EXD3: variants seen among roughly 807,000 people sequenced by gnomAD.
EXD3 encodes exonuclease mut-7 homolog.
Under a neutral mutation model 98.0 loss-of-function variants are expected in EXD3, and 92 were observed. The observed-to-expected ratio is 0.94, with a 90% CI of 0.79 to 1.12. The LOEUF is 1.12. Among genes scored for constraint, EXD3 ranks in the 50% most tolerant of loss-of-function variants. The pLI is 0.00. For synonymous variants in EXD3, 569 were observed against 526.0 expected (o/e 1.08, Z -1.12); for missense variants, 1,222 against 1,191.6 (o/e 1.03, Z -0.38).
intron 1 of EXD3, among the ~76,000 whole-genome samples, chr9:137,420,912 T>G (rs1042027400): frequency 2.6e-5 from 4 of 152,292 alleles, no homozygotes; most frequent in Admixed American, 2.0e-4. Flanking sequence ...TCTCCTGGAC[T>G]CAAGCGATCC....
chr9:137,396,535 C>G (rs548177145), intron 1 of EXD3, among the ~76,000 whole-genome samples: 1 of 152,176 alleles, frequency 6.6e-6, no homozygotes, highest in African/African-American at 2.4e-5. Context: ...CTCAGCCACA[C>G]GCGGCACAGT....
At chr9:137,318,587 C>T (rs1170181915) in intron 19 of EXD3, among the ~76,000 whole-genome samples, 2 of 152,258 alleles carry the variant, frequency 1.3e-5, no homozygotes, top group East Asian at 3.9e-4. Context: ...AATATTTTCC[C>T]ATGGTAGACG....
chr9:137,333,751 T>TA (rs1833216688), intron 17 of EXD3, among the ~76,000 whole-genome samples: 2 of 152,228 alleles, frequency 1.3e-5, no homozygotes, highest in Admixed American at 6.5e-5. Flanking sequence ...ATGCCAGTGA[T>TA]ACGGTTCCTG....
intron 5 of EXD3, among the ~76,000 whole-genome samples, 182 bp from the exon 6 acceptor site, chr9:137,368,171 CG>C (rs1175513844): frequency 6.6e-6 from 1 of 152,196 alleles, no homozygotes; most frequent in Admixed American, 6.5e-5. Context: ...CAAGCCCCCC[CG>C]TGCTGAGCCA....
chr9:137,413,503 C>CTTTTT lies in EXD3; in HGVS notation c.-48+9606_-48+9610dup, dbSNP rs768508083. On this transcript the variant is annotated intron_variant, in intron 1 of 21. Coordinates refer to ENST00000340951, the MANE Select transcript of EXD3 (RefSeq NM_017820.5). ...GCATGAGCCACCGCGCCTGGCCTAG[C>CTTTTT]TTTTTTTTTTTTTTTTTTTTGAGAC... Among the ~76,000 whole-genome samples, 6 of 128,762 alleles carry CTTTTT rather than the reference C, an allele frequency of 4.7e-5. No individual in the cohort carries two copies. The East Asian group carries it at 6.6e-4, about 14-fold the overall frequency. 84.5% of individuals were successfully genotyped at this position (128,762 alleles called of 152,430 possible).
rs559418765 is a variant in EXD3 at position 137,346,321 on chromosome 9, A to ATGGG, written c.1998+1746_1998+1749dup. The stretch of plus-strand genomic sequence containing the variant: ...GGAATAAATGTTATTAAAAAACTAT[A>ATGGG]TGGGTAAGATTACCCATAACTAGTA... On this transcript the variant is annotated intron_variant, in intron 17 of 21. Transcript: ENST00000340951. 1.8e-3 allele frequency among the ~76,000 whole-genome samples: 267 copies of ATGGG among 151,480 alleles called. 4 individuals carry two copies. The highest frequency in any genetic ancestry group is 6.3e-3 in the African/African-American group (259 of 41,196).
At chr9:137,316,559 C>T (rs1216847976) in intron 19 of EXD3, among the ~76,000 whole-genome samples, 1 of 152,230 alleles carries the variant, frequency 6.6e-6, no homozygotes, top group African/African-American at 2.4e-5. Context: ...GCTCCCAGTG[C>T]CCGGGAGGCA....
chr9:137,413,908 GT>G (rs891874055), intron 1 of EXD3, among the ~76,000 whole-genome samples: 14 of 141,898 alleles, frequency 9.9e-5, no homozygotes, highest in African/African-American at 2.1e-4. Context: ...AGGTTCTGTT[GT>G]TTTTTTTTTC....
At position 137,361,514 on chromosome 9, in the gene EXD3, A is replaced by G. The variant is rs78801006; in HGVS notation, c.656+4979T>C. On this transcript the variant is annotated intron_variant, in intron 7 of 21. Transcript: ENST00000340951. ...TGTAATCCCAGCACTTTGGGAGGCCAAGGTGGGTGGATTACGAGGTCAGGA... is the reference window on the plus strand; with the variant it reads ...TGTAATCCCAGCACTTTGGGAGGCCGAGGTGGGTGGATTACGAGGTCAGGA... Among the ~76,000 whole-genome samples, 4 of 33,572 alleles carry G rather than the reference A, an allele frequency of 1.2e-4. 1 individual carries two copies. The highest frequency in any genetic ancestry group is 4.4e-4 in the Admixed American group (1 of 2,278). The allele number at this position is 33,572 out of a possible 152,430, so 22.0% of individuals were successfully genotyped here.
intron 1 of EXD3, among the ~76,000 whole-genome samples, chr9:137,415,400 G>C (rs888984292): frequency 2.6e-5 from 4 of 151,976 alleles, no homozygotes; most frequent in African/African-American, 9.7e-5. Context: ...CTCCATGTTC[G>C]CCAGGCTGGT....
At chr9:137,332,359 G>C (rs1432899718) in intron 17 of EXD3, among the ~76,000 whole-genome samples, 3 of 152,136 alleles carry the variant, frequency 2.0e-5, no homozygotes, top group Admixed American at 6.6e-5. Flanking sequence ...GGAGGCCGAG[G>C]CAGGTGGATC....
At chr9:137,384,414 T>C (rs560360015) in intron 2 of EXD3, among the ~76,000 whole-genome samples, 1 of 152,362 alleles carries the variant, frequency 6.6e-6, no homozygotes, top group South Asian at 2.1e-4. Flanking sequence ...GCAAGTGTTC[T>C]AAAATTCAGT....
At chr9:137,386,656 C>T (rs931337649) in intron 2 of EXD3, among the ~76,000 whole-genome samples, 2 of 152,122 alleles carry the variant, frequency 1.3e-5, no homozygotes, top group African/African-American at 4.8e-5. Context: ...AAAGCCAGGG[C>T]CCACCACATC....
Position 137,395,275 on chromosome 9 carries a change from G to C in EXD3, c.55+28C>G. ...GCACCTCCCCCCACAGCCCCAGGGA[G>C]ACTCGGCACCATCAGGCTCAGACTC... On this transcript the variant is annotated intron_variant, in intron 2 of 21. Transcript: ENST00000340951. This position sits in a 1 kb window ranked among gnomAD's most constrained non-coding sequence, Gnocchi z 6.5. 1 of 1,603,390 alleles carries C rather than the reference G, an allele frequency of 6.2e-7. No individual in the cohort carries two copies. The highest frequency in any genetic ancestry group is 1.7e-5 in the Admixed American group (1 of 59,994).
In EXD3 at chr9:137,347,977, G is replaced by A. The variant is rs969203646; in HGVS notation, c.1998+94C>T. 9.3e-6 allele frequency: 13 copies of A among 1,392,268 alleles called. No individual in the cohort carries two copies. Among genetic ancestry groups the A allele is most frequent in the African/African-American group, 1.4e-5 (1 of 69,306 alleles). The allele number at this position is 1,392,268 out of a possible 1,614,324, so 86.2% of individuals were successfully genotyped here. ...TGGCACAGCTGGCAGCCATGGATGA[G>A]CTGGAGGGAGGAGTTTGATGCTAGG... On this transcript the variant is annotated intron_variant, in intron 17 of 21. Transcript: ENST00000340951. This position sits in a 1 kb window ranked among gnomAD's most constrained non-coding sequence, Gnocchi z 4.2.
intron 1 of EXD3, among the ~76,000 whole-genome samples, chr9:137,401,917 C>G (rs958747200): frequency 6.6e-6 from 1 of 152,190 alleles, no homozygotes; most frequent in Non-Finnish European, 1.5e-5. Context: ...TTTCTGCAGC[C>G]GGCTTGAATT....
chr9:137,352,055 G>T lies in EXD3; in HGVS notation c.1173+11C>A. The T allele has an allele frequency of 6.2e-7, 1 of 1,607,068 alleles. No homozygotes were observed. Among genetic ancestry groups the T allele is most frequent in the East Asian group, 2.2e-5 (1 of 44,684 alleles). The stretch of plus-strand genomic sequence containing the variant: ...ACCACCGGGCGCTGCCCCAGCGGCC[G>T]AGGGAACCACCTGCAGGAGTGCACC... On this transcript the variant is annotated intron_variant, in intron 12 of 21. Transcript: ENST00000340951.
At chr9:137,342,224 G>A (rs1588298963) in intron 17 of EXD3, among the ~76,000 whole-genome samples, 1 of 24,384 alleles carries the variant, frequency 4.1e-5, no homozygotes, top group Non-Finnish European at 7.6e-5. Flanking sequence ...CAGAGGAAAC[G>A]GGGCTCAGGC....
chr9:137,398,852 GAC>G (rs1309161615), intron 1 of EXD3, among the ~76,000 whole-genome samples: 2 of 144,162 alleles, frequency 1.4e-5, no homozygotes, highest in Admixed American at 7.0e-5. Context: ...GCATCCCCAA[GAC>G]ACACAGGCAC....
Sources: allele counts gnomAD v4.1 joint callset (sites outside exome capture counted in the v4.1 genomes callset), GRCh38; gene constraint gnomAD v4.1.1; non-coding constraint Gnocchi (gnomAD v3.1); transcripts MANE v1.5; gene names NCBI Gene and HGNC (gene_info 2026-07-23, HGNC 2026-07-21).